NOS1: variants seen among roughly 807,000 people sequenced by gnomAD.
The protein encoded by NOS1 is nitric oxide synthase 1.
In NOS1, 51 loss-of-function variants were observed where a neutral mutation model predicts 164.5. That is an observed-to-expected ratio of 0.31 (90% confidence interval 0.25 to 0.39). NOS1 has a LOEUF of 0.39. Among genes scored for constraint, NOS1 ranks in the 10% least tolerant of loss-of-function variants. NOS1 has a pLI of 1.00. For missense variants in NOS1, 1,362 were observed against 1,885.6 expected, an observed-to-expected ratio of 0.72 and a Z score of 5.14; for synonymous variants, 719 against 745.8, an observed-to-expected ratio of 0.96 and a Z score of 0.59.
chr12:117,274,900 T>C (rs1873059362), intron 9 of NOS1, among the ~76,000 whole-genome samples: 1 of 151,752 alleles, frequency 6.6e-6, no homozygotes, highest in Middle Eastern at 3.4e-3. Context: ...AACGGATGAA[T>C]GGATAAAGAA....
At chr12:117,292,381 G>C (rs1347148259) in intron 3 of NOS1, among the ~76,000 whole-genome samples, 1 of 152,082 alleles carries the variant, frequency 6.6e-6, no homozygotes, top group Non-Finnish European at 1.5e-5. Flanking sequence ...ATGAGGGCAA[G>C]TGTAAGGAGA....
Position 117,330,706 on chromosome 12 carries a change from C to T in NOS1, c.364G>A (p.Val122Met). 1 of 1,613,838 alleles carries T rather than the reference C, an allele frequency of 6.2e-7. No individual in the cohort carries two copies. Among genetic ancestry groups the T allele is most frequent in the Non-Finnish European group, 8.5e-7 (1 of 1,179,894 alleles). ...GTGGGGGGACCCAGGGGCTGTGTCA[C>T]CCGGATGGTCTTGGGGGTCCCATCA... is the stretch of plus-strand genomic sequence containing the variant. ...TGDGTPKTIR[V>M]TQPLGPPTKA... Residue 122 changes from valine to methionine, a missense_variant, in exon 2 of 29, where the codon GTG becomes ATG. Val to Met is a conservative substitution (Grantham distance 21, BLOSUM62 1). Coordinates refer to ENST00000317775, the MANE Select transcript of NOS1 (RefSeq NM_000620.5). This position sits in a 1 kb window ranked among gnomAD's most constrained non-coding sequence, Gnocchi z 4.6.
At chr12:117,357,370 C>T (rs1414733711) in intron 1 of NOS1, among the ~76,000 whole-genome samples, 1 of 152,206 alleles carries the variant, frequency 6.6e-6, no homozygotes, top group Non-Finnish European at 1.5e-5. Flanking sequence ...TATTTTCAGT[C>T]TCCTCTGAGC....
intron 12 of NOS1, among the ~76,000 whole-genome samples, chr12:117,264,822 C>T (rs370093585): frequency 1.5e-4 from 23 of 151,746 alleles, no homozygotes; most frequent in African/African-American, 5.3e-4. Context: ...TGGGTTCAAG[C>T]GATTCTCTTA....
At chr12:117,256,205 C>T (rs1566042476) in intron 16 of NOS1, among the ~76,000 whole-genome samples, 1 of 151,144 alleles carries the variant, frequency 6.6e-6, no homozygotes, top group Non-Finnish European at 1.5e-5. Context: ...GACTCAGCAA[C>T]GGTCAGTCTC....
chr12:117,344,467 G>A (rs1361138002), intron 1 of NOS1, among the ~76,000 whole-genome samples: 1 of 152,104 alleles, frequency 6.6e-6, no homozygotes, highest in African/African-American at 2.4e-5. Flanking sequence ...CTTGCAACAC[G>A]ATATGAACAT....
In NOS1 at chr12:117,212,486, T is replaced by C; in HGVS notation, c.*2823A>G. ...GAGTTTAACATCATCTCTCTGCTCTTTCACGACACAAGCTGTGGGAACTGG... is the reference window on the plus strand; with the variant it reads ...GAGTTTAACATCATCTCTCTGCTCTCTCACGACACAAGCTGTGGGAACTGG... On this transcript the variant is annotated 3_prime_UTR_variant, in exon 29 of 29. Coordinates refer to ENST00000317775, the MANE Select transcript of NOS1 (RefSeq NM_000620.5). 1.0e-6 allele frequency: 1 copy of C among 985,416 alleles called. No homozygotes were observed. Among genetic ancestry groups the C allele is most frequent in the Non-Finnish European group, 1.2e-6 (1 of 829,934 alleles). 61.0% of individuals were successfully genotyped at this position (985,416 alleles called of 1,614,324 possible). A position where few individuals can be genotyped will look rare whatever the true frequency, so the allele number is the denominator to read the frequency against.
At chr12:117,281,378 G>C (rs1233341364) in intron 7 of NOS1, among the ~76,000 whole-genome samples, 4 of 151,970 alleles carry the variant, frequency 2.6e-5, no homozygotes. Flanking sequence ...AAGTCAGCTG[G>C]GTGTGGTGGC....
intron 1 of NOS1, among the ~76,000 whole-genome samples, chr12:117,359,147 C>A (rs190900833): frequency 6.6e-6 from 1 of 152,198 alleles, no homozygotes; most frequent in African/African-American, 2.4e-5. Context: ...GTGGCAGAGC[C>A]GTGCGCCCCT....
rs778662466 is a variant in NOS1, at chr12:117,210,461, G to C, written c.*4848C>G. 1.5e-5 allele frequency: 15 copies of C among 985,460 alleles called. No homozygotes were observed. The highest frequency in any genetic ancestry group is 1.7e-5 in the Non-Finnish European group (14 of 829,990). The allele number at this position is 985,460 out of a possible 1,614,324, so 61.0% of individuals were successfully genotyped here. ...CTTTGAGGACATGGTGGCCACAGCG[G>C]CATGCTGGGTATGTGGGGCAGCGGG... On this transcript the variant is annotated 3_prime_UTR_variant, in exon 29 of 29. Transcript: ENST00000317775.
intron 2 of NOS1, among the ~76,000 whole-genome samples, chr12:117,321,792 C>T (rs1874938133): frequency 1.3e-5 from 2 of 152,082 alleles, no homozygotes; most frequent in South Asian, 4.1e-4. Flanking sequence ...TGCCATTGGT[C>T]ATGCTGAGGT....
At position 117,265,331 on chromosome 12, in the gene NOS1, G is replaced by C. The variant is rs766880346; in HGVS notation, c.2121C>G (p.Pro707=). The C allele has an allele frequency of 1.1e-5, 17 of 1,551,538 alleles. No individual in the cohort carries two copies. Among genetic ancestry groups the C allele is most frequent in the Non-Finnish European group, 1.1e-5 (13 of 1,142,558 alleles). Residue 707 remains proline (P), a synonymous_variant, in exon 12 of 29, where the codon CCC becomes CCG. Transcript: ENST00000317775. ...AGGGAAGGACCTGGTATTCGAAGGAGGGGGTGAGCCGGTAGTTGAGCATCT... is the reference window on the plus strand; with the variant it reads ...AGGGAAGGACCTGGTATTCGAAGGACGGGGTGAGCCGGTAGTTGAGCATCT... ...HQEMLNYRLT[P]SFEYQPDPWN... is the part of the protein sequence containing the mutation.
In NOS1 at chr12:117,265,385, G is replaced by A. The variant is rs757318828; in HGVS notation, c.2067C>T (p.Ser689=). Residue 689 remains serine, a synonymous_variant, in exon 12 of 29, where the codon TCC becomes TCT. Transcript: ENST00000317775. ...ADWVWIVPPM[S]GSITPVFHQE... Reference sequence around the variant, plus strand: ...GGTGGAACACAGGGGTGATGCTTCCGGACATGGGGGGCACGATCCACACCC... The same window carrying A: ...GGTGGAACACAGGGGTGATGCTTCCAGACATGGGGGGCACGATCCACACCC... 1.6e-5 allele frequency: 26 copies of A among 1,590,536 alleles called. No homozygotes were observed. The highest frequency in any genetic ancestry group is 5.9e-5 in the South Asian group (5 of 85,216).
At chr12:117,277,316 G>C (rs1456943110) in intron 9 of NOS1, among the ~76,000 whole-genome samples, 1 of 152,028 alleles carries the variant, frequency 6.6e-6, no homozygotes, top group African/African-American at 2.4e-5. Context: ...CAGGTACAGT[G>C]GCTCATGCCT....
chr12:117,301,685 C>A (rs1354204535), intron 3 of NOS1, among the ~76,000 whole-genome samples: 1 of 152,122 alleles, frequency 6.6e-6, no homozygotes, highest in Non-Finnish European at 1.5e-5. Flanking sequence ...TTTCCACAGC[C>A]CGGCCCCCAG....
chr12:117,267,278 T>C (rs1872492172), intron 11 of NOS1, among the ~76,000 whole-genome samples: 1 of 152,176 alleles, frequency 6.6e-6, no homozygotes, highest in Non-Finnish European at 1.5e-5. Context: ...ATTACTAGTG[T>C]CGCCCTCTGG....
chr12:117,226,316 T>C lies in NOS1; in HGVS notation c.3704+367A>G, dbSNP rs181626132. On this transcript the variant is annotated intron_variant, in intron 24 of 28. Transcript: ENST00000317775. The stretch of plus-strand genomic sequence containing the variant: ...GGGGTGATTGGATTTTTTCCATCTC[T>C]AGGAAACTGGGACTGATTGGGAGCG... Among the ~76,000 whole-genome samples the C allele has an allele frequency of 7.0e-4, 107 of 152,274 alleles. No individual in the cohort carries two copies. The Middle Eastern group carries it at 0.01, about 15-fold the overall frequency.
chr12:117,352,310 A>G (rs1044551141), intron 1 of NOS1, among the ~76,000 whole-genome samples: 17 of 152,186 alleles, frequency 1.1e-4, no homozygotes, highest in African/African-American at 4.1e-4. Flanking sequence ...TATCACTGAG[A>G]AGGAGGTCAG....
At chr12:117,230,975 G>A (rs1232072151) in intron 22 of NOS1, among the ~76,000 whole-genome samples, 2 of 152,156 alleles carry the variant, frequency 1.3e-5, no homozygotes, top group East Asian at 3.9e-4. Context: ...AGGGTAGTGG[G>A]GAGGAGTGGG....
Sources: gnomAD v4.1 joint callset for allele counts (sites outside exome capture counted in the v4.1 genomes callset) on GRCh38, gnomAD v4.1.1 for gene constraint, Gnocchi (gnomAD v3.1) non-coding constraint, MANE v1.5 for transcripts, NCBI Gene and HGNC (gene_info 2026-07-23, HGNC 2026-07-21) for gene names.